The following RNPC3 variants were observed in gnomAD, a reference collection of about 807,000 sequenced individuals.
RNPC3 encodes the protein RNA-binding region-containing protein 3.
Under a neutral mutation model 67.5 loss-of-function variants are expected in RNPC3, and 48 were observed. The ratio of observed to expected loss-of-function variants is 0.71; its 90% CI spans 0.56 to 0.90. The LOEUF (loss-of-function observed/expected upper bound fraction) is 0.90, where lower values mean the gene tolerates loss of function less well. RNPC3 is among the 40% of genes least tolerant of loss of function. The probability of loss-of-function intolerance (pLI) is 0.00; values close to 1 mark genes in which losing one functional copy is unlikely to be tolerated. For synonymous variants in RNPC3, 239 were observed against 210.3 expected, an observed-to-expected ratio of 1.14 and a Z score of -1.18; for missense variants, 637 against 626.1, an observed-to-expected ratio of 1.02 and a Z score of -0.19.
chr1:103,546,144 C>A, intron 10 of RNPC3, 104 bp from the exon 11 acceptor site: 1 of 481,448 alleles, frequency 2.1e-6, no homozygotes, highest in Non-Finnish European at 3.5e-6. Context: ...TTTCATAAAG[C>A]TTATTTTGTC....
intron 7 of RNPC3, among the ~76,000 whole-genome samples, chr1:103,540,227 A>C (rs1651092472): frequency 6.6e-6 from 1 of 152,206 alleles, no homozygotes; most frequent in African/African-American, 2.4e-5. Flanking sequence ...CAAAATTATT[A>C]AGAATATTGT....
chr1:103,527,579 C>T (rs1037593990), intron 1 of RNPC3, 116 bp from the exon 2 acceptor site: 1 of 775,176 alleles, frequency 1.3e-6, no homozygotes, highest in Admixed American at 2.4e-5. Flanking sequence ...CTTGAGTTTT[C>T]ATCCTTTCCC....
chr1:103,551,149 C>A, intron 13 of RNPC3, 76 bp downstream of exon 13: 1 of 1,304,990 alleles, frequency 7.7e-7, no homozygotes, highest in Non-Finnish European at 1.0e-6. Flanking sequence ...TTCATGTTAC[C>A]CTTTAGAAAT....
intron 4 of RNPC3, 119 bp downstream of exon 4, chr1:103,534,976 G>A: frequency 3.4e-6 from 2 of 582,110 alleles, no homozygotes; most frequent in South Asian, 2.6e-5. Flanking sequence ...ATTGCTTATT[G>A]TATATTGTGT....
chr1:103,551,822 CAA>C (rs1278736203), intron 14 of RNPC3, 30 bp downstream of exon 14: 3 of 1,056,506 alleles, frequency 2.8e-6, no homozygotes, highest in Non-Finnish European at 4.0e-6. Context: ...AATAAAAAGA[CAA>C]GACTAATTCT....
chr1:103,550,908 A>G (rs1208653552), intron 12 of RNPC3, 33 bp from the exon 13 acceptor site: 2 of 1,603,414 alleles, frequency 1.2e-6, no homozygotes, highest in South Asian at 1.1e-5. Context: ...TGAAACTGAC[A>G]TTCTTTGAAT....
chr1:103,552,776 A>T (rs1453741373), intron 14 of RNPC3: 2 of 152,184 alleles, frequency 1.3e-5, no homozygotes, highest in Non-Finnish European at 2.9e-5. Flanking sequence ...AAAAAAAAAA[A>T]AATCTACAGT....
rs1034364168 is a variant in RNPC3, at chr1:103,550,660, A to G, written c.1362-281A>G. 1.7e-4 allele frequency among the ~76,000 whole-genome samples: 24 copies of G among 143,910 alleles called. No individual in the cohort carries two copies. In the East Asian group the frequency reaches 1.8e-3, roughly 11 times the overall value. The allele number at this position is 143,910 out of a possible 152,430, so 94.4% of individuals were successfully genotyped here. A position where few individuals can be genotyped will look rare whatever the true frequency, so the allele number is the denominator to read the frequency against. ...TGTCTCAAAAAAAAAAAAAAAAAAA[A>G]GAAGTTTGGTTTTCTAGTTGCTAAT... is the stretch of plus-strand genomic sequence containing the variant. On this transcript the variant is annotated intron_variant, in intron 12 of 14. Coordinates refer to ENST00000423855, the MANE Select transcript of RNPC3 (RefSeq NM_017619.4).
chr1:103,546,813 G>C, intron 11 of RNPC3, 164 bp from the exon 12 acceptor site: 1 of 515,690 alleles, frequency 1.9e-6, no homozygotes. Flanking sequence ...CCCTTTGTGA[G>C]TATCTGTCCA....
chr1:103,551,893 T>A, intron 14 of RNPC3, 101 bp downstream of exon 14: 1 of 644,432 alleles, frequency 1.6e-6, no homozygotes. Context: ...CTCTTTTTTT[T>A]TTTTTTTGAG....
chr1:103,538,367 T>A (rs2101046789), intron 7 of RNPC3, among the ~76,000 whole-genome samples: 1 of 152,296 alleles, frequency 6.6e-6, no homozygotes, highest in African/African-American at 2.4e-5. Flanking sequence ...GTGTTTAAAA[T>A]GGCCCTTGAG....
rs1570624224 is a variant in RNPC3, at chr1:103,545,060, A to G, written c.1165A>G (p.Ile389Val). The G allele has an allele frequency of 6.5e-7, 1 of 1,534,350 alleles. No individual in the cohort carries two copies. The highest frequency in any genetic ancestry group is 8.7e-7 in the Non-Finnish European group (1 of 1,145,246). The change falls in exon 10 of 15, where the codon ATT (isoleucine) becomes GTT (valine). Residue 389 changes from isoleucine to valine, a missense_variant. Ile to Val is a conservative substitution (Grantham distance 29). Transcript: ENST00000423855. ...EDSDEMPSEC[I>V]SRRELEKGRI... is the part of the protein sequence containing the mutation. ...CTCTGATGAAATGCCTTCAGAATGT[A>G]TTTCTAGAAGGGAATTGGAAAAGGG...
intron 9 of RNPC3, among the ~76,000 whole-genome samples, chr1:103,544,592 G>A (rs569705429): frequency 7.8e-4 from 118 of 151,924 alleles, no homozygotes; most frequent in African/African-American, 2.8e-3. Flanking sequence ...AGTAAGTATT[G>A]CAAACATAGT....
chr1:103,537,823 C>T lies in RNPC3; in HGVS notation c.767+339C>T, dbSNP rs543406287. On this transcript the variant is annotated intron_variant, in intron 7 of 14. Transcript: ENST00000423855. ...TTGTGACTTCAAAATCAATAATCGA[C>T]GTGCTTTTTATTTATTATTATTATT... Among the ~76,000 whole-genome samples, 54 of 151,842 alleles carry T rather than the reference C, an allele frequency of 3.6e-4. No individual in the cohort carries two copies. In the South Asian group the frequency reaches 7.5e-3, roughly 21 times the overall value.
chr1:103,526,653 C>T (rs1650719299), intron 1 of RNPC3, among the ~76,000 whole-genome samples: 1 of 152,078 alleles, frequency 6.6e-6, no homozygotes, highest in African/African-American at 2.4e-5. Context: ...ATTTATAAGC[C>T]AATGTTAAAT....
chr1:103,552,863 A>G (rs997441105), intron 14 of RNPC3: 3 of 152,220 alleles, frequency 2.0e-5, no homozygotes, highest in African/African-American at 7.2e-5. Flanking sequence ...TCTTTAAAAC[A>G]GGTAATTTTA....
intron 13 of RNPC3, 131 bp downstream of exon 13, chr1:103,551,204 T>C: frequency 1.4e-6 from 1 of 714,656 alleles, no homozygotes; most frequent in South Asian, 2.1e-5. Flanking sequence ...TCGTTACAAT[T>C]AAACCCACCT....
chr1:103,545,284 G>A (rs966527437), intron 10 of RNPC3, 182 bp downstream of exon 10: 2 of 486,174 alleles, frequency 4.1e-6, no homozygotes, highest in Non-Finnish European at 6.9e-6. Context: ...TATAGTGGAG[G>A]GAACGTTCCT....
In RNPC3 at chr1:103,541,467, T is replaced by C; in HGVS notation, c.885T>C (p.Pro295=). The C allele has an allele frequency of 6.7e-7, 1 of 1,491,928 alleles. No homozygotes were observed. The highest frequency in any genetic ancestry group is 8.8e-7 in the Non-Finnish European group (1 of 1,130,456). The allele number at this position is 1,491,928 out of a possible 1,614,324, so 92.4% of individuals were successfully genotyped here. A position where few individuals can be genotyped will look rare whatever the true frequency, so the allele number is the denominator to read the frequency against. ...ATATGTTGAATACACCTTTGTGTCC[T>C]TCACACAGGTAATTTTATTTGAACT... ...IKDMLNTPLC[P]SHSSLHPVLL... The change falls in exon 8 of 15, where the codon CCT becomes CCC. Residue 295 remains proline (P), a synonymous_variant. Coordinates refer to ENST00000423855, the MANE Select transcript of RNPC3 (RefSeq NM_017619.4).
Sources: allele counts gnomAD v4.1 joint callset (sites outside exome capture counted in the v4.1 genomes callset), GRCh38; gene constraint gnomAD v4.1.1; transcripts MANE v1.5; gene names NCBI Gene and HGNC (gene_info 2026-07-23, HGNC 2026-07-21).